IQCM: variants seen among roughly 807,000 people sequenced by gnomAD.
The protein encoded by IQCM is IQ motif containing M, also known as IQ domain-containing protein M.
A neutral mutation model predicts 57.6 loss-of-function variants in IQCM; 45 were observed. The ratio of observed to expected loss-of-function variants is 0.78; its 90% confidence interval spans 0.62 to 1.00. The LOEUF is 1.00. Ranked by LOEUF, IQCM falls within the 50% of genes least tolerant of loss-of-function variation. The pLI is 0.00. For synonymous variants in IQCM, 148 were observed against 158.9 expected, an observed-to-expected ratio of 0.93 and a Z score of 0.51; for missense variants, 468 against 511.6, an observed-to-expected ratio of 0.91 and a Z score of 0.82.
chr4:149,433,679 GTCT>G, intron 12 of IQCM, 122 bp from the exon 13 acceptor site: 1 of 404,036 alleles, frequency 2.5e-6, no homozygotes. Flanking sequence ...CTGAAAACAT[GTCT>G]TTTTTTTTAG....
intron 8 of IQCM, among the ~76,000 whole-genome samples, chr4:149,595,336 TA>T (rs925065366): frequency 2.5e-4 from 38 of 151,878 alleles, no homozygotes; most frequent in African/African-American, 9.2e-4. Context: ...CTTTATTTTT[TA>T]AGTAGGAAGG....
At chr4:149,671,784 A>G (rs1161843205) in intron 7 of IQCM, among the ~76,000 whole-genome samples, 1 of 152,078 alleles carries the variant, frequency 6.6e-6, no homozygotes, top group African/African-American at 2.4e-5. Flanking sequence ...GTAGTTGAGC[A>G]GTTTTGAGTG....
At chr4:149,779,699 C>T (rs1194734508) in intron 2 of IQCM, among the ~76,000 whole-genome samples, 1 of 152,074 alleles carries the variant, frequency 6.6e-6, no homozygotes, top group Non-Finnish European at 1.5e-5. Context: ...GCTATTCATT[C>T]CCTAAGAGAA....
intron 9 of IQCM, among the ~76,000 whole-genome samples, chr4:149,573,267 A>G (rs1751334676): frequency 6.6e-6 from 1 of 151,438 alleles, no homozygotes; most frequent in East Asian, 2.0e-4. Context: ...AAAGACCACA[A>G]AAACATGCCA....
intron 12 of IQCM, among the ~76,000 whole-genome samples, chr4:149,449,393 ATATATT>A (rs1736859274): frequency 6.9e-6 from 1 of 145,736 alleles, no homozygotes; most frequent in African/African-American, 2.5e-5. Context: ...TATATAATAT[ATATATT>A]TATATTTATA....
chr4:149,523,817 T>C (rs1031246299), intron 12 of IQCM, among the ~76,000 whole-genome samples: 1 of 152,074 alleles, frequency 6.6e-6, no homozygotes, highest in Non-Finnish European at 1.5e-5. Flanking sequence ...ATATTAATAA[T>C]ATAAAGAAAA....
chr4:149,582,609 G>C (rs1380515765), intron 9 of IQCM, among the ~76,000 whole-genome samples: 7 of 151,340 alleles, frequency 4.6e-5, no homozygotes, highest in Non-Finnish European at 3.0e-5. Flanking sequence ...GAGGAGATTT[G>C]TCCTTTGGAA....
At chr4:149,613,463 C>T (rs1755487915) in intron 8 of IQCM, among the ~76,000 whole-genome samples, 1 of 151,908 alleles carries the variant, frequency 6.6e-6, no homozygotes, top group Admixed American at 6.6e-5. Flanking sequence ...GAAATTTCTC[C>T]AGAGAAAAAT....
chr4:149,535,659 CTTG>C (rs1747217900), intron 12 of IQCM, among the ~76,000 whole-genome samples: 2 of 152,014 alleles, frequency 1.3e-5, no homozygotes, highest in East Asian at 1.9e-4. Context: ...AAGAATAACT[CTTG>C]TTAAGTAATA....
At chr4:149,727,639 A>G (rs1351453614) in intron 5 of IQCM, among the ~76,000 whole-genome samples, 1 of 152,164 alleles carries the variant, frequency 6.6e-6, no homozygotes, top group Non-Finnish European at 1.5e-5. Flanking sequence ...CCTTCTGCCC[A>G]GGGACAGAAG....
At chr4:149,467,083 A>G (rs561683319) in intron 12 of IQCM, among the ~76,000 whole-genome samples, 2 of 152,192 alleles carry the variant, frequency 1.3e-5, no homozygotes, top group Non-Finnish European at 2.9e-5. Context: ...CCATAGCACA[A>G]ATTTAATAAT....
intron 13 of IQCM, among the ~76,000 whole-genome samples, chr4:149,398,847 C>T (rs1031975153): frequency 6.6e-6 from 1 of 151,990 alleles, no homozygotes. Flanking sequence ...GCTGGGACTA[C>T]AGGCATACAT....
intron 13 of IQCM, among the ~76,000 whole-genome samples, chr4:149,379,373 A>G (rs1055917764): frequency 1.1e-4 from 17 of 152,148 alleles, no homozygotes; most frequent in African/African-American, 4.1e-4. Flanking sequence ...ATGCCAGCCC[A>G]TGAAAGCAGC....
intron 2 of IQCM, among the ~76,000 whole-genome samples, chr4:149,762,690 C>T (rs139616358): frequency 5.2e-4 from 79 of 152,118 alleles, no homozygotes; most frequent in African/African-American, 1.8e-3. Context: ...TGGAGTTCCA[C>T]ATGAGGGATT....
At chr4:149,357,252 G>A (rs1729070235) in intron 13 of IQCM, among the ~76,000 whole-genome samples, 2 of 152,110 alleles carry the variant, frequency 1.3e-5, no homozygotes, top group Admixed American at 1.3e-4. Context: ...TCTCCTGCCT[G>A]ACTGCTCTGG....
intron 9 of IQCM, among the ~76,000 whole-genome samples, chr4:149,581,891 A>G (rs1174555764): frequency 6.6e-6 from 1 of 151,528 alleles, no homozygotes; most frequent in Non-Finnish European, 1.5e-5. Flanking sequence ...CCAAGGTGGG[A>G]AGTCAGCCAG....
At chr4:149,737,036 A>G (rs1456924356) in intron 3 of IQCM, among the ~76,000 whole-genome samples, 2 of 152,210 alleles carry the variant, frequency 1.3e-5, no homozygotes, top group Non-Finnish European at 2.9e-5. Flanking sequence ...ACCACTACGG[A>G]TAAATTTCAA....
intron 12 of IQCM, among the ~76,000 whole-genome samples, chr4:149,456,861 A>G (rs1306544544): frequency 6.6e-6 from 1 of 152,110 alleles, no homozygotes; most frequent in Non-Finnish European, 1.5e-5. Flanking sequence ...ACTCCATGAA[A>G]GCCAGTGTAA....
chr4:149,714,592 C>G (rs2149838818), intron 5 of IQCM, among the ~76,000 whole-genome samples: 1 of 152,238 alleles, frequency 6.6e-6, no homozygotes, highest in African/African-American at 2.4e-5. Context: ...TGGGTAGTAC[C>G]AAATCCTATA....
Sources: allele counts gnomAD v4.1 joint callset (sites outside exome capture counted in the v4.1 genomes callset), GRCh38; gene constraint gnomAD v4.1.1; transcripts MANE v1.5; gene names NCBI Gene and HGNC (gene_info 2026-07-23, HGNC 2026-07-21).